The following GRIN2B variants were observed in gnomAD, a reference collection of about 807,000 sequenced individuals.
GRIN2B encodes glutamate receptor ionotropic, NMDA 2B.
Under a neutral mutation model 114.5 loss-of-function variants are expected in GRIN2B, and 5 were observed. The ratio of observed to expected loss-of-function variants is 0.04; its 90% CI spans 0.02 to 0.09. The LOEUF is 0.09. GRIN2B is among the 10% of genes least tolerant of loss of function. The pLI, the probability that GRIN2B is intolerant of heterozygous loss-of-function variation, is 1.00. For missense variants in GRIN2B, 1,108 were observed against 1,943.5 expected, an observed-to-expected ratio of 0.57 and a Z score of 8.08; for synonymous variants, 787 against 745.1, an observed-to-expected ratio of 1.06 and a Z score of -0.92.
chr12:13,578,221 A>G (rs898753445), intron 10 of GRIN2B, among the ~76,000 whole-genome samples: 1 of 152,190 alleles, frequency 6.6e-6, no homozygotes, highest in African/African-American at 2.4e-5. Flanking sequence ...TTGCCACTCT[A>G]TGACAAACAG....
Position 13,955,485 on chromosome 12 carries a change from G to T in GRIN2B, c.-19+24443C>A, listed in dbSNP as rs185336784. ...ATTATGTTGGCTCTATTTGAACAGGGTAGAACCTGTGAGGCATTCAAATTC... is the reference window on the plus strand; with the variant it reads ...ATTATGTTGGCTCTATTTGAACAGGTTAGAACCTGTGAGGCATTCAAATTC... On this transcript the variant is annotated intron_variant, in intron 2 of 13. Coordinates refer to ENST00000609686, the MANE Select transcript of GRIN2B (RefSeq NM_000834.5). 2.4e-4 allele frequency among the ~76,000 whole-genome samples: 36 copies of T among 152,260 alleles called. 1 individual carries two copies. In the East Asian group the frequency reaches 7.0e-3, roughly 30 times the overall value.
At chr12:13,847,602 G>C (rs74067120) in intron 3 of GRIN2B, among the ~76,000 whole-genome samples, 5,283 of 152,186 alleles carry the variant, frequency 0.035, 109 homozygotes, top group Middle Eastern at 0.061. Context: ...TGGAACAGTG[G>C]GTCACAGGAG....
At chr12:13,810,761 G>C (rs1049345667) in intron 3 of GRIN2B, among the ~76,000 whole-genome samples, 2 of 152,122 alleles carry the variant, frequency 1.3e-5, no homozygotes, top group African/African-American at 4.8e-5. Context: ...CAAAAATGTT[G>C]ATTTCTCTTA....
chr12:13,951,969 GTA>G (rs1280800400), intron 2 of GRIN2B, among the ~76,000 whole-genome samples: 1 of 152,108 alleles, frequency 6.6e-6, no homozygotes, highest in African/African-American at 2.4e-5. Context: ...ACATTTATCT[GTA>G]CAGGTCTTAT....
chr12:13,924,686 T>C (rs760972432), intron 2 of GRIN2B, among the ~76,000 whole-genome samples: 3 of 152,152 alleles, frequency 2.0e-5, no homozygotes, highest in Non-Finnish European at 2.9e-5. Flanking sequence ...GGGAAGAGGA[T>C]CTAGAAGAGC....
chr12:13,665,983 G>A (rs1195839673), intron 5 of GRIN2B, among the ~76,000 whole-genome samples: 1 of 152,108 alleles, frequency 6.6e-6, no homozygotes, highest in Non-Finnish European at 1.5e-5. Context: ...GAAGAAAAAC[G>A]AGTACATATT....
chr12:13,900,930 A>G (rs1379205695), intron 2 of GRIN2B, among the ~76,000 whole-genome samples: 1 of 152,256 alleles, frequency 6.6e-6, no homozygotes, highest in East Asian at 1.9e-4. Flanking sequence ...CTTTATCTAC[A>G]TTAGAATGTA....
chr12:13,765,334 CAAAGA>C (rs1863761625), intron 3 of GRIN2B, among the ~76,000 whole-genome samples: 1 of 152,210 alleles, frequency 6.6e-6, no homozygotes, highest in African/African-American at 2.4e-5. Flanking sequence ...TACAAGTCTT[CAAAGA>C]AAAGTCCACA....
In GRIN2B at chr12:13,729,225, C is replaced by T. The variant is rs551131309; in HGVS notation, c.1010+24092G>A. 5.3e-5 allele frequency among the ~76,000 whole-genome samples: 8 copies of T among 152,264 alleles called. No individual in the cohort carries two copies. The East Asian group carries it at 9.6e-4, about 18-fold the overall frequency. ...ACATTTATTCCCAGCATGGGAGTGG[C>T]GGGGAGGAGGTTAATGTAGATAAGT... On this transcript the variant is annotated intron_variant, in intron 4 of 13. Transcript: ENST00000609686.
At chr12:13,937,419 A>G (rs1867148892) in intron 2 of GRIN2B, among the ~76,000 whole-genome samples, 1 of 152,084 alleles carries the variant, frequency 6.6e-6, no homozygotes, top group African/African-American at 2.4e-5. Context: ...AGAAAGAAAA[A>G]TAAATTAAGT....
At position 13,557,451 on chromosome 12, in the gene GRIN2B, T is replaced by C. The variant is rs1158515436; in HGVS notation, c.*5332A>G. ...TGGGACAGAAACCAGACAATGACAGTAAATTTTATTGTATCACTAATTCAA... is the reference window on the plus strand; with the variant it reads ...TGGGACAGAAACCAGACAATGACAGCAAATTTTATTGTATCACTAATTCAA... On this transcript the variant is annotated 3_prime_UTR_variant, in exon 14 of 14. Coordinates refer to ENST00000609686, the MANE Select transcript of GRIN2B (RefSeq NM_000834.5). 6.6e-6 allele frequency: 1 copy of C among 152,244 alleles called. No homozygotes were observed. Among genetic ancestry groups the C allele is most frequent in the Admixed American group, 6.5e-5 (1 of 15,286 alleles). 9.4% of individuals were successfully genotyped at this position (152,244 alleles called of 1,614,324 possible).
rs114379070 is a variant in GRIN2B at position 13,885,620 on chromosome 12, G to A, written c.-18-19394C>T. On this transcript the variant is annotated intron_variant, in intron 2 of 13. Coordinates refer to ENST00000609686, the MANE Select transcript of GRIN2B (RefSeq NM_000834.5). ...CTCAACCCAGTGCTACCAGCAATCA[G>A]GTCTGAGAAGCACTGGTAACAAGAT... is the stretch of plus-strand genomic sequence containing the variant. Among the ~76,000 whole-genome samples the A allele has an allele frequency of 3.1e-3, 469 of 152,166 alleles. 3 individuals carry two copies. The highest frequency in any genetic ancestry group is 0.01 in the African/African-American group (428 of 41,510).
At chr12:13,789,540 G>GT (rs965038397) in intron 3 of GRIN2B, among the ~76,000 whole-genome samples, 16 of 151,500 alleles carry the variant, frequency 1.1e-4, no homozygotes, top group African/African-American at 2.2e-4. Context: ...TCCAAGATCA[G>GT]TTTTTTTTTA....
intron 2 of GRIN2B, among the ~76,000 whole-genome samples, chr12:13,944,988 A>G (rs1052277443): frequency 6.6e-6 from 1 of 152,202 alleles, no homozygotes; most frequent in African/African-American, 2.4e-5. Flanking sequence ...GTATGATTCC[A>G]GTAAACCATG....
intron 5 of GRIN2B, 132 bp from the exon 6 acceptor site, chr12:13,616,789 G>A: frequency 1.1e-5 from 8 of 742,400 alleles, no homozygotes; most frequent in South Asian, 8.6e-5. Flanking sequence ...GTACATACTA[G>A]AGATAGGAAT....
At chr12:13,863,041 C>T (rs1023523905) in intron 3 of GRIN2B, among the ~76,000 whole-genome samples, 5 of 152,170 alleles carry the variant, frequency 3.3e-5, no homozygotes, top group African/African-American at 1.2e-4. Flanking sequence ...AAGTCACTGC[C>T]CACCTACCTC....
chr12:13,964,440 G>A (rs993926751), intron 2 of GRIN2B, among the ~76,000 whole-genome samples: 1 of 152,142 alleles, frequency 6.6e-6, no homozygotes, highest in African/African-American at 2.4e-5. Flanking sequence ...CCATGCGGTG[G>A]GTTAAACTTG....
chr12:13,958,230 T>TA (rs1184715658), intron 2 of GRIN2B, among the ~76,000 whole-genome samples: 1 of 152,140 alleles, frequency 6.6e-6, no homozygotes, highest in Non-Finnish European at 1.5e-5. Flanking sequence ...ACACAATCTG[T>TA]AAAAATAATG....
chr12:13,814,370 T>C (rs755302056), intron 3 of GRIN2B, among the ~76,000 whole-genome samples: 1 of 152,244 alleles, frequency 6.6e-6, no homozygotes, highest in Non-Finnish European at 1.5e-5. Flanking sequence ...AGAGAGTCGT[T>C]AAAAAGCAAG....
Sources: gnomAD v4.1 joint callset for allele counts (sites outside exome capture counted in the v4.1 genomes callset) on GRCh38, gnomAD v4.1.1 for gene constraint, MANE v1.5 for transcripts, NCBI Gene and HGNC (gene_info 2026-07-23, HGNC 2026-07-21) for gene names.